GRID2: variants seen among roughly 807,000 people sequenced by gnomAD.
The protein encoded by GRID2 is glutamate ionotropic receptor delta type subunit 2.
A neutral mutation model predicts 114.8 loss-of-function variants in GRID2; 33 were observed. The ratio of observed to expected loss-of-function variants is 0.29; its 90% CI spans 0.22 to 0.38. The LOEUF (loss-of-function observed/expected upper bound fraction) is 0.38. Among genes scored for constraint, GRID2 ranks in the 10% least tolerant of loss-of-function variants. The pLI is 1.00. For missense variants in GRID2, 1,184 were observed against 1,257.7 expected, an observed-to-expected ratio of 0.94 and a Z score of 0.89; for synonymous variants, 505 against 449.9, an observed-to-expected ratio of 1.12 and a Z score of -1.55.
intron 2 of GRID2, among the ~76,000 whole-genome samples, chr4:92,881,472 T>C (rs1178951220): frequency 6.6e-6 from 1 of 152,194 alleles, no homozygotes; most frequent in Non-Finnish European, 1.5e-5. Context: ...TAGTGCAATA[T>C]AAAGACAAAA....
intron 2 of GRID2, among the ~76,000 whole-genome samples, chr4:92,999,203 G>A (rs560078770): frequency 2.4e-4 from 36 of 151,952 alleles, no homozygotes; most frequent in African/African-American, 7.0e-4. Flanking sequence ...ATTTGCATGC[G>A]TTATTCTTGT....
At chr4:93,316,283 C>CGAAA (rs1382874932) in intron 8 of GRID2, among the ~76,000 whole-genome samples, 74 of 97,722 alleles carry the variant, frequency 7.6e-4, no homozygotes, top group Non-Finnish European at 8.5e-4. Flanking sequence ...AAGAAAAGAA[C>CGAAA]GAAAGAACGA....
intron 1 of GRID2, among the ~76,000 whole-genome samples, chr4:92,428,761 ACT>A (rs1470169045): frequency 1.3e-5 from 2 of 152,178 alleles, no homozygotes; most frequent in Non-Finnish European, 2.9e-5. Context: ...TTATTATGCC[ACT>A]TCCATGATAG....
At chr4:93,446,485 G>T (rs887943065) in intron 10 of GRID2, among the ~76,000 whole-genome samples, 2 of 152,022 alleles carry the variant, frequency 1.3e-5, no homozygotes, top group Non-Finnish European at 2.9e-5. Context: ...ACCAAGAGAA[G>T]AAATGAAGGA....
At chr4:93,008,024 G>A (rs1188808022) in intron 2 of GRID2, among the ~76,000 whole-genome samples, 1 of 122,972 alleles carries the variant, frequency 8.1e-6, no homozygotes, top group Non-Finnish European at 1.6e-5. Flanking sequence ...AACAGGGTGA[G>A]ACTGTCACAA....
chr4:93,733,731 A>G (rs1306309556), intron 14 of GRID2, among the ~76,000 whole-genome samples: 1 of 152,082 alleles, frequency 6.6e-6, no homozygotes, highest in Non-Finnish European at 1.5e-5. Flanking sequence ...ACAGATTAGA[A>G]CTCAGTGTCA....
rs1352732382 is a variant in GRID2, at chr4:92,704,119, A to G, written c.244+113833A>G. Among the ~76,000 whole-genome samples the G allele has an allele frequency of 2.0e-5, 3 of 152,164 alleles. No homozygotes were observed. The East Asian group carries it at 5.8e-4, about 29-fold the overall frequency. On this transcript the variant is annotated intron_variant, in intron 2 of 15. Transcript: ENST00000282020. The stretch of plus-strand genomic sequence containing the variant: ...GTAAAACCCCGTCTCTACTTAAAAA[A>G]TACAAAAAATTAGCTGGGCGTCGCG...
chr4:92,616,930 C>T (rs557134320), intron 2 of GRID2, among the ~76,000 whole-genome samples: 4 of 151,094 alleles, frequency 2.6e-5, no homozygotes, highest in African/African-American at 9.7e-5. Flanking sequence ...ATAATAATGG[C>T]ATATATTTAT....
chr4:92,952,835 TG>T (rs1752130409), intron 2 of GRID2, among the ~76,000 whole-genome samples: 1 of 152,190 alleles, frequency 6.6e-6, no homozygotes, highest in South Asian at 2.1e-4. Flanking sequence ...ATATCACAAA[TG>T]GAGTGGCTTA....
At chr4:92,910,256 C>G (rs1355052167) in intron 2 of GRID2, among the ~76,000 whole-genome samples, 2 of 151,632 alleles carry the variant, frequency 1.3e-5, no homozygotes, top group East Asian at 3.9e-4. Flanking sequence ...TCAGAATCAC[C>G]TGGGAAGATT....
At chr4:92,661,510 C>T (rs1028495842) in intron 2 of GRID2, among the ~76,000 whole-genome samples, 3 of 150,686 alleles carry the variant, frequency 2.0e-5, no homozygotes, top group Non-Finnish European at 4.5e-5. Context: ...GAGCTATGTG[C>T]CTCATTTCTT....
chr4:93,258,842 A>G, intron 8 of GRID2: 1 of 448,880 alleles, frequency 2.2e-6, no homozygotes, highest in Non-Finnish European at 4.5e-6. Context: ...GAAAGTAATT[A>G]ACAAACACAA....
intron 1 of GRID2, among the ~76,000 whole-genome samples, chr4:92,361,102 C>T (rs971262097): frequency 1.1e-4 from 17 of 151,794 alleles, no homozygotes; most frequent in Non-Finnish European, 2.1e-4. Flanking sequence ...TCTTTAACTC[C>T]AACTAAAACT....
chr4:92,630,007 T>G (rs1413415429), intron 2 of GRID2, among the ~76,000 whole-genome samples: 4 of 151,270 alleles, frequency 2.6e-5, no homozygotes, highest in Non-Finnish European at 5.9e-5. Context: ...TGGACAGTAG[T>G]GTTAGAATAA....
intron 1 of GRID2, among the ~76,000 whole-genome samples, chr4:92,358,964 A>G (rs1728475184): frequency 6.6e-6 from 1 of 151,948 alleles, no homozygotes; most frequent in African/African-American, 2.4e-5. Flanking sequence ...CAATAGTAAC[A>G]TACGTCTAAA....
chr4:93,726,583 C>T (rs1729920256), intron 14 of GRID2, among the ~76,000 whole-genome samples: 1 of 152,118 alleles, frequency 6.6e-6, no homozygotes, highest in Non-Finnish European at 1.5e-5. Flanking sequence ...GGCAGTATGG[C>T]CATTTTCACG....
intron 13 of GRID2, among the ~76,000 whole-genome samples, chr4:93,603,183 C>A (rs544718039): frequency 6.6e-6 from 1 of 151,898 alleles, no homozygotes; most frequent in East Asian, 1.9e-4. Flanking sequence ...GCACTCCAGC[C>A]TAGGGGACAA....
At chr4:93,365,944 A>G (rs1223657386) in intron 8 of GRID2, among the ~76,000 whole-genome samples, 3 of 152,162 alleles carry the variant, frequency 2.0e-5, no homozygotes, top group Non-Finnish European at 2.9e-5. Context: ...TAAAGATTTC[A>G]TGGACACTAA....
At chr4:93,470,080 G>T (rs1450594320) in intron 11 of GRID2, among the ~76,000 whole-genome samples, 1 of 152,032 alleles carries the variant, frequency 6.6e-6, no homozygotes. Flanking sequence ...GGTTAAGCAA[G>T]TTGAAAATTA....
Sources: allele counts gnomAD v4.1 joint callset (sites outside exome capture counted in the v4.1 genomes callset), GRCh38; gene constraint gnomAD v4.1.1; transcripts MANE v1.5; gene names NCBI Gene and HGNC (gene_info 2026-07-23, HGNC 2026-07-21).